Variants in CTSS observed in about 807,000 individuals in gnomAD.
CTSS encodes the protein cathepsin S.
In CTSS, 15 loss-of-function variants were observed where a neutral mutation model predicts 39.9. The ratio of observed to expected loss-of-function variants is 0.38; its 90% CI spans 0.25 to 0.58. The LOEUF (loss-of-function observed/expected upper bound fraction) is 0.58, where lower values mean the gene tolerates loss of function less well. Among genes scored for constraint, CTSS ranks in the 20% least tolerant of loss-of-function variants. CTSS has a pLI of 0.70. For synonymous variants in CTSS, 126 were observed against 138.2 expected (o/e 0.91, Z 0.62); for missense variants, 250 against 398.2 (o/e 0.63, Z 3.17).
In CTSS at chr1:150,730,901, T is replaced by C. The variant is rs1228035029; in HGVS notation, c.*2145A>G. 1.3e-5 allele frequency: 2 copies of C among 152,066 alleles called. No homozygotes were observed. The highest frequency in any genetic ancestry group is 4.8e-5 in the African/African-American group (2 of 41,322). The allele number at this position is 152,066 out of a possible 1,614,324, so 9.4% of individuals were successfully genotyped here. A position where few individuals can be genotyped will look rare whatever the true frequency, so the allele number is the denominator to read the frequency against. ...TGCATATTAATATATAACAAACTTATCTTTTAACATTTTAATAACTGTATT... is the reference window on the plus strand; with the variant it reads ...TGCATATTAATATATAACAAACTTACCTTTTAACATTTTAATAACTGTATT... On this transcript the variant is annotated 3_prime_UTR_variant, in exon 8 of 8. Transcript: ENST00000368985.
At position 150,755,055 on chromosome 1, in the gene CTSS, C is replaced by T; in HGVS notation, c.345G>A (p.Leu115=). The change falls in exon 4 of 8, where the codon TTG becomes TTA. Residue 115 remains leucine, a synonymous_variant. Transcript: ENST00000368985. ...TCTCTCTCCAGTCCACAGAATCAGG[C>T]AATATCCGATTAGGGTTTGACTTAT... is the stretch of plus-strand genomic sequence containing the variant. ...ITYKSNPNRI[L]PDSVDWREKG... is the part of the protein sequence containing the mutation. 6.2e-7 allele frequency: 1 copy of T among 1,614,090 alleles called. No individual in the cohort carries two copies. The highest frequency in any genetic ancestry group is 8.5e-7 in the Non-Finnish European group (1 of 1,179,988).
chr1:150,744,631 TAG>T (rs1571096714), intron 7 of CTSS, among the ~76,000 whole-genome samples: 3 of 140,182 alleles, frequency 2.1e-5, no homozygotes, highest in South Asian at 2.1e-4. Flanking sequence ...ATGTATATTA[TAG>T]ATTATGTATG....
chr1:150,761,269 G>A (rs767856218), intron 2 of CTSS, among the ~76,000 whole-genome samples: 8 of 150,678 alleles, frequency 5.3e-5, no homozygotes, highest in Admixed American at 1.3e-4. Context: ...AAGACACAAA[G>A]TCAACATACA....
intron 7 of CTSS, among the ~76,000 whole-genome samples, chr1:150,734,997 G>A (rs1439933454): frequency 6.6e-6 from 1 of 152,168 alleles, no homozygotes; most frequent in Non-Finnish European, 1.5e-5. Flanking sequence ...TGCCTAGTGT[G>A]TCTGGAGAGC....
At chr1:150,740,379 T>A (rs1336155373) in intron 7 of CTSS, among the ~76,000 whole-genome samples, 1 of 152,098 alleles carries the variant, frequency 6.6e-6, no homozygotes, top group Non-Finnish European at 1.5e-5. Context: ...ATTAATACCT[T>A]TCTTTTTTTT....
At chr1:150,756,075 A>G (rs1653120121) in intron 3 of CTSS, among the ~76,000 whole-genome samples, 1 of 152,200 alleles carries the variant, frequency 6.6e-6, no homozygotes, top group South Asian at 2.1e-4. Flanking sequence ...ACCTTCTTCT[A>G]TAAGCTTTTT....
intron 1 of CTSS, 48 bp from the exon 2 acceptor site, chr1:150,764,812 G>GT: frequency 6.3e-7 from 1 of 1,596,718 alleles, no homozygotes; most frequent in Non-Finnish European, 8.6e-7. Context: ...AGCTGCATAT[G>GT]TTGTGACCAC....
chr1:150,745,731 G>A (rs2101915972), intron 7 of CTSS, among the ~76,000 whole-genome samples: 1 of 152,212 alleles, frequency 6.6e-6, no homozygotes, highest in Admixed American at 6.6e-5. Flanking sequence ...ATGTGAAAAT[G>A]AAGGCAGAGG....
chr1:150,740,038 A>C (rs759138550), intron 7 of CTSS, among the ~76,000 whole-genome samples: 1 of 152,168 alleles, frequency 6.6e-6, no homozygotes, highest in Non-Finnish European at 1.5e-5. Context: ...GAAGAGCTGC[A>C]TTTTTCATTT....
Position 150,752,020 on chromosome 1 carries a change from A to T in CTSS, c.400-12T>A. ...GCACCACAAGAACCCTAAAACAGATACAAGGTCACAAACGCAAATCACAGA... is the reference window on the plus strand; with the variant it reads ...GCACCACAAGAACCCTAAAACAGATTCAAGGTCACAAACGCAAATCACAGA... On this transcript the variant is annotated splice_polypyrimidine_tract_variant and intron_variant, in intron 4 of 7. Coordinates refer to ENST00000368985, the MANE Select transcript of CTSS (RefSeq NM_004079.5). 1 of 1,612,750 alleles carries T rather than the reference A, an allele frequency of 6.2e-7. No homozygotes were observed. The highest frequency in any genetic ancestry group is 8.5e-7 in the Non-Finnish European group (1 of 1,179,112).
At chr1:150,755,548 T>C (rs1391420569) in intron 3 of CTSS, among the ~76,000 whole-genome samples, 1 of 152,140 alleles carries the variant, frequency 6.6e-6, no homozygotes, top group African/African-American at 2.4e-5. Flanking sequence ...AAGACCAGCC[T>C]GGCCAACATG....
intron 3 of CTSS, among the ~76,000 whole-genome samples, 162 bp downstream of exon 3, chr1:150,757,696 A>G (rs1653162345): frequency 6.6e-6 from 1 of 152,164 alleles, no homozygotes; most frequent in Non-Finnish European, 1.5e-5. Flanking sequence ...CTAAGTAAGA[A>G]ATTTCTGTAC....
intron 5 of CTSS, among the ~76,000 whole-genome samples, chr1:150,750,696 G>A (rs968133425): frequency 1.3e-5 from 2 of 152,102 alleles, no homozygotes; most frequent in African/African-American, 4.8e-5. Flanking sequence ...GAGTGCAGTA[G>A]CATAATCATG....
At position 150,751,953 on chromosome 1, in the gene CTSS, A is replaced by T. The variant is rs1474524861; in HGVS notation, c.455T>A (p.Leu152Gln). Residue 152 changes from leucine (L) to glutamine (Q), a missense_variant, in exon 5 of 8, where the codon CTG (leucine) becomes CAG (glutamine). Leu to Gln is a moderately radical substitution (Grantham distance 113). Coordinates refer to ENST00000368985, the MANE Select transcript of CTSS (RefSeq NM_004079.5). Reference sequence around the variant, plus strand: ...CACCAGCTTTCCTGTTTTCAGCTTCAGCTGTGCTTCCAGGGCCCCCACAGC... The same window carrying T: ...CACCAGCTTTCCTGTTTTCAGCTTCTGCTGTGCTTCCAGGGCCCCCACAGC... ...FSAVGALEAQ[L>Q]KLKTGKLVSL... The T allele has an allele frequency of 6.2e-7, 1 of 1,614,228 alleles. No individual in the cohort carries two copies. Among genetic ancestry groups the T allele is most frequent in the Non-Finnish European group, 8.5e-7 (1 of 1,180,050 alleles).
At chr1:150,763,852 C>T (rs1653311723) in intron 2 of CTSS, among the ~76,000 whole-genome samples, 1 of 152,306 alleles carries the variant, frequency 6.6e-6, no homozygotes, top group East Asian at 1.9e-4. Flanking sequence ...CGCTCCTCAG[C>T]CATCCCAAAT....
chr1:150,744,365 ATATAT>A (rs1205970836), intron 7 of CTSS, among the ~76,000 whole-genome samples: 752 of 14,702 alleles, frequency 0.051, 263 homozygotes, highest in South Asian at 0.16. Flanking sequence ...ATAATATATT[ATATAT>A]TATATGTATA....
chr1:150,761,421 C>T (rs1471012672), intron 2 of CTSS, among the ~76,000 whole-genome samples: 1 of 152,002 alleles, frequency 6.6e-6, no homozygotes, highest in Admixed American at 6.6e-5. Flanking sequence ...AACTGTAAAA[C>T]ATTGATAAAA....
intron 7 of CTSS, among the ~76,000 whole-genome samples, chr1:150,744,720 A>G (rs1652858117): frequency 1.4e-5 from 2 of 145,548 alleles, no homozygotes; most frequent in African/African-American, 5.0e-5. Context: ...TATAATATAT[A>G]TTATATATAT....
In CTSS at chr1:150,739,281, C is replaced by G. The variant is rs189448430; in HGVS notation, c.897-6136G>C. ...ATACATCTCTCATTTTACATCAAAGCTAGAAATGATTATGCTTTGTGAAAG... is the reference window on the plus strand; with the variant it reads ...ATACATCTCTCATTTTACATCAAAGGTAGAAATGATTATGCTTTGTGAAAG... On this transcript the variant is annotated intron_variant, in intron 7 of 7. Coordinates refer to ENST00000368985, the MANE Select transcript of CTSS (RefSeq NM_004079.5). 3.3e-4 allele frequency among the ~76,000 whole-genome samples: 50 copies of G among 152,282 alleles called. No individual in the cohort carries two copies. In the East Asian group the frequency reaches 9.7e-3, roughly 29 times the overall value.
Sources: gnomAD v4.1 joint callset for allele counts (sites outside exome capture counted in the v4.1 genomes callset) on GRCh38, gnomAD v4.1.1 for gene constraint, MANE v1.5 for transcripts, NCBI Gene and HGNC (gene_info 2026-07-23, HGNC 2026-07-21) for gene names.